Variants in PTPN4 observed in about 807,000 individuals in gnomAD.
PTPN4 encodes tyrosine-protein phosphatase non-receptor type 4.
PTPN4 carries 49 observed loss-of-function variants against 135.5 expected under a neutral mutation model. That is an observed-to-expected ratio of 0.36 (90% CI 0.29 to 0.46). The LOEUF (loss-of-function observed/expected upper bound fraction) is 0.46, where lower values mean the gene tolerates loss of function less well. PTPN4 is among the 20% of genes least tolerant of loss of function. The pLI, the probability that PTPN4 is intolerant of heterozygous loss-of-function variation, is 1.00. For synonymous variants in PTPN4, 333 were observed against 369.9 expected, an observed-to-expected ratio of 0.90 and a Z score of 1.14; for missense variants, 860 against 1,101.0, an observed-to-expected ratio of 0.78 and a Z score of 3.10.
At chr2:119,881,989 TAAAATC>T (rs1328912100) in intron 6 of PTPN4, 102 bp from the exon 7 acceptor site, 17 of 1,182,406 alleles carry the variant, frequency 1.4e-5, no homozygotes, top group Non-Finnish European at 2.1e-5. Context: ...TCTTAACAGT[TAAAATC>T]AAATCACATG....
At chr2:119,766,460 G>T (rs1212406961) in intron 1 of PTPN4, among the ~76,000 whole-genome samples, 1 of 140,058 alleles carries the variant, frequency 7.1e-6, no homozygotes, top group African/African-American at 2.9e-5. Context: ...GTGTGTGTGT[G>T]TGTGTGTGTG....
rs570035778 is a variant in PTPN4, at chr2:119,883,268, A to G, written c.587+645A>G. ...TTCAGGCTATGTGTATAAAGTGTAT[A>G]TGAAACATAAATTTCATGTTTAGAC... On this transcript the variant is annotated intron_variant, in intron 8 of 26. Transcript: ENST00000263708. Among the ~76,000 whole-genome samples, 3 of 152,276 alleles carry G rather than the reference A, an allele frequency of 2.0e-5. No individual in the cohort carries two copies. The East Asian group carries it at 5.8e-4, about 29-fold the overall frequency.
intron 26 of PTPN4, among the ~76,000 whole-genome samples, chr2:119,975,461 C>G (rs187907700): frequency 1.3e-5 from 2 of 152,306 alleles, no homozygotes; most frequent in South Asian, 4.1e-4. Context: ...CGGTGGCTCA[C>G]GCCTGTAATC....
chr2:119,850,073 AGCTGACGTATGTTGTTTTCAAGAGCAC>A (rs1677568840), intron 2 of PTPN4, among the ~76,000 whole-genome samples: 1 of 152,204 alleles, frequency 6.6e-6, no homozygotes, highest in African/African-American at 2.4e-5. Flanking sequence ...CTGGTAAACT[AGCTGACGTATGTTGTTTTCAAGAGCAC>A]TCTTAGACTG....
intron 2 of PTPN4, among the ~76,000 whole-genome samples, chr2:119,850,737 A>G (rs1326677893): frequency 6.6e-6 from 1 of 152,184 alleles, no homozygotes; most frequent in East Asian, 1.9e-4. Context: ...ATTCTCCAAG[A>G]CTAAATTCTT....
At chr2:119,971,395 G>A (rs1679533384) in intron 26 of PTPN4, among the ~76,000 whole-genome samples, 1 of 152,178 alleles carries the variant, frequency 6.6e-6, no homozygotes, top group South Asian at 2.1e-4. Flanking sequence ...CATGAGATTT[G>A]GGTGAGGACA....
chr2:119,768,503 G>A (rs956985208), intron 1 of PTPN4, among the ~76,000 whole-genome samples: 1 of 152,286 alleles, frequency 6.6e-6, no homozygotes, highest in Admixed American at 6.5e-5. Flanking sequence ...CTATGCCTAT[G>A]TACAGGTATT....
At chr2:119,807,609 G>A (rs1349876943) in intron 1 of PTPN4, among the ~76,000 whole-genome samples, 1 of 152,166 alleles carries the variant, frequency 6.6e-6, no homozygotes, top group African/African-American at 2.4e-5. Context: ...AAAAAGTCCA[G>A]GACCAGACGG....
intron 11 of PTPN4, among the ~76,000 whole-genome samples, chr2:119,917,515 C>T (rs2941609): frequency 0.38 from 58,386 of 151,908 alleles, 13,301 homozygotes; most frequent in African/African-American, 0.65. Flanking sequence ...GGGTGGATTG[C>T]TTTAGGCCTG....
chr2:119,919,930 G>A, intron 11 of PTPN4, 139 bp from the exon 12 acceptor site: 1 of 1,074,266 alleles, frequency 9.3e-7, no homozygotes, highest in South Asian at 3.5e-5. Context: ...CTAGATAAAA[G>A]ATCCCATAGG....
chr2:119,967,984 A>G lies in PTPN4; in HGVS notation c.2694+12A>G, dbSNP rs763992509. On this transcript the variant is annotated intron_variant, in intron 26 of 26. Transcript: ENST00000263708. ...TGATCCAAACACCTGTGAGTACTGT[A>G]CTTTATATACAAGTGTATATTCTTA... 2.9e-5 allele frequency: 45 copies of G among 1,556,392 alleles called. No individual in the cohort carries two copies. The Admixed American group carries it at 7.2e-4, about 25-fold the overall frequency.
At chr2:119,842,822 C>A (rs1043529536) in intron 2 of PTPN4, among the ~76,000 whole-genome samples, 1 of 152,042 alleles carries the variant, frequency 6.6e-6, no homozygotes, top group African/African-American at 2.4e-5. Flanking sequence ...ATCTACAGAT[C>A]TTTTATAGCT....
intron 8 of PTPN4, among the ~76,000 whole-genome samples, chr2:119,885,277 GT>G (rs1286414148): frequency 6.6e-6 from 1 of 152,038 alleles, no homozygotes; most frequent in Non-Finnish European, 1.5e-5. Flanking sequence ...TTGTTTTTTT[GT>G]TTTGTTTTTT....
intron 22 of PTPN4, among the ~76,000 whole-genome samples, chr2:119,960,375 A>G (rs1385099779): frequency 1.3e-5 from 2 of 152,232 alleles, no homozygotes; most frequent in Non-Finnish European, 2.9e-5. Flanking sequence ...CCAATGGCAG[A>G]ATTTTTGTTC....
intron 15 of PTPN4, among the ~76,000 whole-genome samples, chr2:119,941,374 T>A (rs553410605): frequency 6.6e-6 from 1 of 151,856 alleles, no homozygotes; most frequent in Non-Finnish European, 1.5e-5. Context: ...ATTTCAGGAG[T>A]CTGTGTTGAC....
chr2:119,776,464 G>C (rs1056402466), intron 1 of PTPN4, among the ~76,000 whole-genome samples: 3 of 152,104 alleles, frequency 2.0e-5, no homozygotes, highest in Non-Finnish European at 4.4e-5. Flanking sequence ...GTAAGCCACC[G>C]CACCTGGCCC....
intron 10 of PTPN4, among the ~76,000 whole-genome samples, chr2:119,913,330 A>G (rs2105023908): frequency 6.6e-6 from 1 of 152,184 alleles, no homozygotes; most frequent in Non-Finnish European, 1.5e-5. Context: ...CCAGATTCTC[A>G]CCAGCACTTG....
intron 1 of PTPN4, among the ~76,000 whole-genome samples, chr2:119,801,577 T>A (rs75301754): frequency 9.8e-5 from 15 of 152,320 alleles, no homozygotes; most frequent in African/African-American, 3.4e-4. Context: ...TCAATTTTTT[T>A]ATCAGCATTT....
chr2:119,972,824 C>A (rs1679556232), intron 26 of PTPN4, among the ~76,000 whole-genome samples: 1 of 151,910 alleles, frequency 6.6e-6, no homozygotes, highest in South Asian at 2.1e-4. Flanking sequence ...GGTTTTTGGT[C>A]TTTTATTCTA....
Sources: allele counts gnomAD v4.1 joint callset (sites outside exome capture counted in the v4.1 genomes callset), GRCh38; gene constraint gnomAD v4.1.1; transcripts MANE v1.5; gene names NCBI Gene and HGNC (gene_info 2026-07-23, HGNC 2026-07-21).